Variants in PDE11A observed in about 807,000 individuals in gnomAD.
PDE11A encodes the protein phosphodiesterase 11A.
PDE11A carries 100 observed loss-of-function variants against 100.5 expected under a neutral mutation model. The observed-to-expected ratio is 1.00, with a 90% CI of 0.85 to 1.18. PDE11A has a LOEUF of 1.18. Ranked by LOEUF, PDE11A falls within the 50% of genes most tolerant of loss-of-function variation. The pLI is 0.00. For missense variants in PDE11A, 1,141 were observed against 1,152.6 expected, an observed-to-expected ratio of 0.99 and a Z score of 0.15; for synonymous variants, 381 against 420.8, an observed-to-expected ratio of 0.91 and a Z score of 1.16.
chr2:177,923,183 A>T (rs1401383732), intron 2 of PDE11A, among the ~76,000 whole-genome samples: 5 of 151,612 alleles, frequency 3.3e-5, no homozygotes, highest in Admixed American at 2.6e-4. Context: ...TTTTCATTTA[A>T]TTTTTTTAAA....
At chr2:178,046,014 C>A (rs1330276949) in intron 1 of PDE11A, among the ~76,000 whole-genome samples, 2 of 152,236 alleles carry the variant, frequency 1.3e-5, no homozygotes, top group South Asian at 4.1e-4. Flanking sequence ...CTGGTCTCTG[C>A]CTCTTACTAG....
rs530765907 is a variant in PDE11A at position 177,881,937 on chromosome 2, T to A, written c.1303-6014A>T. On this transcript the variant is annotated intron_variant, in intron 4 of 19. Coordinates refer to ENST00000286063, the MANE Select transcript of PDE11A (RefSeq NM_016953.4). Reference sequence around the variant, plus strand: ...TTGCTAAATTGTTAATGGCTAATGATAGGTTAATGTATTAATATTCCCATG... The same window carrying A: ...TTGCTAAATTGTTAATGGCTAATGAAAGGTTAATGTATTAATATTCCCATG... Among the ~76,000 whole-genome samples the A allele has an allele frequency of 1.2e-3, 180 of 152,372 alleles. 1 individual carries two copies. The highest frequency in any genetic ancestry group is 0.01 in the Middle Eastern group (3 of 294).
intron 2 of PDE11A, among the ~76,000 whole-genome samples, chr2:177,918,324 G>A (rs1039564040): frequency 1.3e-5 from 2 of 152,154 alleles, no homozygotes; most frequent in African/African-American, 4.8e-5. Flanking sequence ...CCCATATTCA[G>A]TCTATCTGCA....
At chr2:177,898,255 T>C (rs2084642509) in intron 3 of PDE11A, 57 bp from the exon 4 acceptor site, 1 of 1,241,076 alleles carries the variant, frequency 8.1e-7, no homozygotes, top group Admixed American at 1.9e-5. Context: ...AAAAGTTGCT[T>C]TTCTTCTTAA....
intron 2 of PDE11A, among the ~76,000 whole-genome samples, chr2:178,087,076 C>A (rs2105881715): frequency 6.6e-6 from 1 of 152,304 alleles, no homozygotes; most frequent in African/African-American, 2.4e-5. Flanking sequence ...GTGGCTCACA[C>A]CTGTAATCCC....
At chr2:177,847,714 T>C (rs549452410) in intron 5 of PDE11A, among the ~76,000 whole-genome samples, 8 of 152,304 alleles carry the variant, frequency 5.3e-5, no homozygotes, top group Admixed American at 2.6e-4. Context: ...CAAAGCTTCA[T>C]AGAAGAAGGG....
intron 1 of PDE11A, among the ~76,000 whole-genome samples, chr2:178,058,341 T>A (rs1314697799): frequency 6.6e-6 from 1 of 152,240 alleles, no homozygotes; most frequent in Non-Finnish European, 1.5e-5. Context: ...GTGGAAGGAA[T>A]CTGGTGGGAG....
At position 177,796,705 on chromosome 2, in the gene PDE11A, A is replaced by G. The variant is rs986548898; in HGVS notation, c.1737+20124T>C. On this transcript the variant is annotated intron_variant, in intron 9 of 19. Transcript: ENST00000286063. Reference sequence around the variant, plus strand: ...ATACTGAGCACTGGGCCTAAAGTGAATGTCAGTTTCTTACTTGGCCAACTA... The same window carrying G: ...ATACTGAGCACTGGGCCTAAAGTGAGTGTCAGTTTCTTACTTGGCCAACTA... Among the ~76,000 whole-genome samples, 5 of 152,280 alleles carry G rather than the reference A, an allele frequency of 3.3e-5. No individual in the cohort carries two copies. The East Asian group carries it at 7.7e-4, about 24-fold the overall frequency.
rs77187724 is a variant in PDE11A, at chr2:177,708,176, T to C, written c.2153+3593A>G. 2.7e-3 allele frequency among the ~76,000 whole-genome samples: 404 copies of C among 152,292 alleles called. 2 individuals are homozygous for C. The highest frequency in any genetic ancestry group is 0.01 in the Middle Eastern group (3 of 294). ...CATCAAGACAATGTATAAAACAATG[T>C]TTCATTGCAGCTCTATTCACAATAG... On this transcript the variant is annotated intron_variant, in intron 13 of 19. Coordinates refer to ENST00000286063, the MANE Select transcript of PDE11A (RefSeq NM_016953.4).
intron 2 of PDE11A, among the ~76,000 whole-genome samples, chr2:177,929,690 G>A (rs1042765832): frequency 6.6e-5 from 10 of 152,068 alleles, no homozygotes; most frequent in African/African-American, 2.4e-4. Flanking sequence ...TGGGGGTGTG[G>A]GAAGAGAGAG....
chr2:177,835,173 C>T (rs942278886), intron 6 of PDE11A, among the ~76,000 whole-genome samples: 10 of 152,110 alleles, frequency 6.6e-5, no homozygotes, highest in African/African-American at 2.4e-4. Context: ...GATACAAGGA[C>T]AGAAGAAAGA....
At chr2:177,827,148 T>C (rs554754986) in intron 6 of PDE11A, among the ~76,000 whole-genome samples, 8 of 152,312 alleles carry the variant, frequency 5.3e-5, no homozygotes, top group African/African-American at 1.9e-4. Flanking sequence ...TGGAGCCCCA[T>C]TATCCTTAAG....
At chr2:177,972,640 G>GA (rs888677831) in intron 2 of PDE11A, among the ~76,000 whole-genome samples, 5 of 151,762 alleles carry the variant, frequency 3.3e-5, no homozygotes, top group East Asian at 1.9e-4. Context: ...AAAGCTGAAA[G>GA]AAAAAAAAGC....
chr2:177,979,946 A>G (rs896994802), intron 2 of PDE11A, among the ~76,000 whole-genome samples: 2 of 150,528 alleles, frequency 1.3e-5, no homozygotes, highest in Non-Finnish European at 3.0e-5. Context: ...GAAAACATCA[A>G]ACAATAGTAA....
At chr2:177,945,066 C>T (rs1020746157) in intron 2 of PDE11A, among the ~76,000 whole-genome samples, 1 of 150,128 alleles carries the variant, frequency 6.7e-6, no homozygotes, top group African/African-American at 2.4e-5. Context: ...GAGTGATCCG[C>T]CAGCCTTGGC....
rs1354227498 is a variant in PDE11A, at chr2:177,998,511, G to A, written c.1071+15791C>T. ...AAGATTTTCTCCAGTGGTAAATTGA[G>A]GCAGTTCTTTAATTGCTTGACGTCA... On this transcript the variant is annotated intron_variant, in intron 2 of 19. Coordinates refer to ENST00000286063, the MANE Select transcript of PDE11A (RefSeq NM_016953.4). 4 of 1,386,832 alleles carry A rather than the reference G, an allele frequency of 2.9e-6. No homozygotes were observed. In the Admixed American group the frequency reaches 6.7e-5, roughly 23 times the overall value. 85.9% of individuals were successfully genotyped at this position (1,386,832 alleles called of 1,614,324 possible).
intron 10 of PDE11A, among the ~76,000 whole-genome samples, chr2:177,756,240 A>G (rs2082089201): frequency 6.6e-6 from 1 of 152,202 alleles, no homozygotes; most frequent in Non-Finnish European, 1.5e-5. Context: ...TTATCAAAAT[A>G]ACCAGCTTTT....
In PDE11A at chr2:177,795,935, C is replaced by CTATATATATATATATATATATA. The variant is rs55861102; in HGVS notation, c.1737+20872_1737+20893dup. ...AATTATTACTATTATTTTGTTTAAA[C>CTATATATATATATATATATATA]TATATATATATATATATATATATAT... is the stretch of plus-strand genomic sequence containing the variant. On this transcript the variant is annotated intron_variant, in intron 9 of 19. Coordinates refer to ENST00000286063, the MANE Select transcript of PDE11A (RefSeq NM_016953.4). Among the ~76,000 whole-genome samples the CTATATATATATATATATATATA allele has an allele frequency of 4.2e-4, 28 of 67,262 alleles. 2 individuals carry two copies. Among genetic ancestry groups the CTATATATATATATATATATATA allele is most frequent in the Non-Finnish European group, 6.5e-4 (18 of 27,594 alleles). 44.1% of individuals were successfully genotyped at this position (67,262 alleles called of 152,430 possible).
intron 13 of PDE11A, among the ~76,000 whole-genome samples, chr2:177,708,816 T>C (rs4893986): frequency 0.99 from 150,279 of 152,308 alleles, 74,171 homozygotes; most frequent in East Asian, 1. Flanking sequence ...TGCACTGTTG[T>C]ACATGCCAAA....
Sources: allele counts gnomAD v4.1 joint callset (sites outside exome capture counted in the v4.1 genomes callset), GRCh38; gene constraint gnomAD v4.1.1; transcripts MANE v1.5; gene names NCBI Gene and HGNC (gene_info 2026-07-23, HGNC 2026-07-21).